NAA16: variants seen among roughly 807,000 people sequenced by gnomAD.
NAA16 encodes N-alpha-acetyltransferase 16, NatA auxiliary subunit, also known as NARG1-like protein.
A neutral mutation model predicts 110.3 loss-of-function variants in NAA16; 97 were observed. The ratio of observed to expected loss-of-function variants is 0.88; its 90% CI spans 0.75 to 1.04. The LOEUF (loss-of-function observed/expected upper bound fraction) is 1.04, where lower values mean the gene tolerates loss of function less well. NAA16 is among the 50% of genes least tolerant of loss of function. The pLI is 0.00. For synonymous variants in NAA16, 372 were observed against 330.6 expected (o/e 1.13, Z -1.36); for missense variants, 1,017 against 1,005.1 (o/e 1.01, Z -0.16).
chr13:41,345,020 A>G lies in NAA16; in HGVS notation c.1014+8264A>G, dbSNP rs1370853008. Among the ~76,000 whole-genome samples the G allele has an allele frequency of 1.3e-5, 2 of 152,138 alleles. 1 individual carries two copies. The highest frequency in any genetic ancestry group is 3.8e-4 in the East Asian group (2 of 5,196). On this transcript the variant is annotated intron_variant, in intron 9 of 19. Transcript: ENST00000379406. ...TTGGGTCTGGCTTCTTTTACTTAAT[A>G]TTTTTATCCGCAATTGTAGCATGAA...
At chr13:41,334,625 T>C (rs756520098) in intron 8 of NAA16, among the ~76,000 whole-genome samples, 9 of 152,140 alleles carry the variant, frequency 5.9e-5, no homozygotes, top group South Asian at 2.1e-4. Flanking sequence ...CACATAATAA[T>C]TGATGGAAAA....
At chr13:41,335,628 G>C (rs1255876625) in intron 8 of NAA16, among the ~76,000 whole-genome samples, 2 of 152,278 alleles carry the variant, frequency 1.3e-5, no homozygotes, top group East Asian at 3.9e-4. Flanking sequence ...GATCTAATAA[G>C]AGATTAGAGA....
chr13:41,340,878 A>G (rs1327751213), intron 9 of NAA16, among the ~76,000 whole-genome samples: 1 of 151,080 alleles, frequency 6.6e-6, no homozygotes, highest in African/African-American at 2.4e-5. Context: ...ATGGGGTTTC[A>G]CCGTGGTCTC....
chr13:41,359,756 G>A (rs890409956), intron 12 of NAA16, among the ~76,000 whole-genome samples: 33 of 151,774 alleles, frequency 2.2e-4, no homozygotes, highest in East Asian at 1.9e-4. Context: ...AGGAGCTTAG[G>A]ATAAACTAAT....
chr13:41,367,368 A>ATT, intron 13 of NAA16, 71 bp from the exon 14 acceptor site: 46 of 1,026,370 alleles, frequency 4.5e-5, no homozygotes, highest in Middle Eastern at 2.2e-4. Flanking sequence ...GCTTTTTACA[A>ATT]TTTTTTTTTT....
rs1480711491 is a variant in NAA16, at chr13:41,376,044, C to A, written c.*442C>A. 3 of 152,924 alleles carry A rather than the reference C, an allele frequency of 2.0e-5. No individual in the cohort carries two copies. The highest frequency in any genetic ancestry group is 7.2e-5 in the African/African-American group (3 of 41,444). 9.5% of individuals were successfully genotyped at this position (152,924 alleles called of 1,614,324 possible). A position where few individuals can be genotyped will look rare whatever the true frequency, so the allele number is the denominator to read the frequency against. Reference sequence around the variant, plus strand: ...GTGGCTCACACCTGTAATCCCAGCACTTTGGGAGGCCCAGACTGGCGGATC... The same window carrying A: ...GTGGCTCACACCTGTAATCCCAGCAATTTGGGAGGCCCAGACTGGCGGATC... On this transcript the variant is annotated 3_prime_UTR_variant, in exon 20 of 20. Transcript: ENST00000379406.
Position 41,311,499 on chromosome 13 carries a change from G to A in NAA16, c.-30G>A. ...GAGCGCCCGGGCACCTAGCCTCCCTGCCGGCCACCTAGCCTCCCTGCCGGC... is the reference window on the plus strand; with the variant it reads ...GAGCGCCCGGGCACCTAGCCTCCCTACCGGCCACCTAGCCTCCCTGCCGGC... On this transcript the variant is annotated 5_prime_UTR_variant, in exon 1 of 20. Transcript: ENST00000379406. The A allele has an allele frequency of 1.3e-6, 2 of 1,578,018 alleles. No homozygotes were observed. Among genetic ancestry groups the A allele is most frequent in the Non-Finnish European group, 1.7e-6 (2 of 1,162,718 alleles).
chr13:41,373,638 G>GT lies in NAA16; in HGVS notation c.2158dup (p.Ser720PhefsTer2). On this transcript the variant is annotated frameshift_variant and splice_region_variant, in exon 18 of 20. Coordinates refer to ENST00000379406, the MANE Select transcript of NAA16 (RefSeq NM_024561.5). LOFTEE classifies it high-confidence loss of function. ...ATCCAAATGTTTTTGTTTTTATAGTGTCTAATCATAGTAATCTTCCAGACA... is the reference window on the plus strand; with the variant it reads ...ATCCAAATGTTTTTGTTTTTATAGTGTTCTAATCATAGTAATCTTCCAGACA... 6.3e-7 allele frequency: 1 copy of GT among 1,589,484 alleles called. No homozygotes were observed. The highest frequency in any genetic ancestry group is 8.5e-7 in the Non-Finnish European group (1 of 1,170,292).
At chr13:41,355,267 A>T in intron 10 of NAA16, 51 bp downstream of exon 10, 1 of 1,115,828 alleles carries the variant, frequency 9.0e-7, no homozygotes, top group East Asian at 2.4e-5. Flanking sequence ...TTCATTTTTA[A>T]TCACAGTAAT....
intron 9 of NAA16, among the ~76,000 whole-genome samples, chr13:41,353,534 G>C (rs2042897453): frequency 6.6e-6 from 1 of 151,536 alleles, no homozygotes. Flanking sequence ...GTAGGTGGAG[G>C]CGGGAGGATT....
rs78681340 is a variant in NAA16, at chr13:41,375,085, C to T, written c.2397+246C>T. On this transcript the variant is annotated intron_variant, in intron 19 of 19. Transcript: ENST00000379406. ...GTGAGAGTTAACTGAAATAATAAAA[C>T]GTGAAGTCCTTAGTGCCTGGCACGT... Among the ~76,000 whole-genome samples the T allele has an allele frequency of 7.9e-3, 1,206 of 152,294 alleles. 14 individuals carry two copies. The highest frequency in any genetic ancestry group is 0.027 in the African/African-American group (1,136 of 41,564).
intron 5 of NAA16, among the ~76,000 whole-genome samples, chr13:41,324,563 A>T (rs1280564526): frequency 6.7e-6 from 1 of 150,278 alleles, no homozygotes; most frequent in Non-Finnish European, 1.5e-5. Flanking sequence ...TTTAGTAGAG[A>T]CGGGGTTTCA....
At chr13:41,348,810 A>G (rs2042751778) in intron 9 of NAA16, among the ~76,000 whole-genome samples, 1 of 152,078 alleles carries the variant, frequency 6.6e-6, no homozygotes, top group South Asian at 2.1e-4. Context: ...GTTTTTTATT[A>G]TGTATTCAAA....
At chr13:41,335,464 A>G (rs2042355150) in intron 8 of NAA16, among the ~76,000 whole-genome samples, 1 of 152,158 alleles carries the variant, frequency 6.6e-6, no homozygotes, top group South Asian at 2.1e-4. Flanking sequence ...AATATTGTTA[A>G]TTTCGTTGTA....
Position 41,325,802 on chromosome 13 carries a change from A to G in NAA16, c.642A>G (p.Glu214=), listed in dbSNP as rs116069877. 842 of 1,609,686 alleles carry G rather than the reference A, an allele frequency of 5.2e-4. 7 individuals are homozygous for G. In the African/African-American group the frequency reaches 1.0e-2, roughly 19 times the overall value. ...TGCAGGAATCTTTGGAACATATAGA[A>G]ATGTATGAGAAACAAATATGTGATA... is the stretch of plus-strand genomic sequence containing the variant. ...DLLQESLEHI[E]MYEKQICDKL... The change falls in exon 6 of 20, where the codon GAA becomes GAG. Residue 214 remains glutamate, a synonymous_variant. Transcript: ENST00000379406.
intron 14 of NAA16, among the ~76,000 whole-genome samples, 159 bp downstream of exon 14, chr13:41,367,811 A>G (rs1805292006): frequency 6.6e-6 from 1 of 152,250 alleles, no homozygotes; most frequent in African/African-American, 2.4e-5. Context: ...TTGCAGAGAG[A>G]GTTAAAAAAA....
rs771579911 is a variant in NAA16 at position 41,362,215 on chromosome 13, A to T, written c.1539+56A>T. 5.9e-6 allele frequency: 9 copies of T among 1,535,420 alleles called. No individual in the cohort carries two copies. The Admixed American group carries it at 2.0e-4, about 34-fold the overall frequency. On this transcript the variant is annotated intron_variant, in intron 13 of 19. Coordinates refer to ENST00000379406, the MANE Select transcript of NAA16 (RefSeq NM_024561.5). ...CACTGTAAGGTGATAAAAAGCAGGTAGATTTCTACACAGGATCATCTGCCT... is the reference window on the plus strand; with the variant it reads ...CACTGTAAGGTGATAAAAAGCAGGTTGATTTCTACACAGGATCATCTGCCT...
At chr13:41,339,864 G>T (rs1293925067) in intron 9 of NAA16, among the ~76,000 whole-genome samples, 1 of 152,066 alleles carries the variant, frequency 6.6e-6, no homozygotes, top group African/African-American at 2.4e-5. Flanking sequence ...CGACTAAGTT[G>T]CATAAGGTTT....
intron 7 of NAA16, 107 bp from the exon 8 acceptor site, chr13:41,331,167 A>T (rs552300154): frequency 1.6e-6 from 1 of 634,576 alleles, no homozygotes; most frequent in East Asian, 2.7e-5. Flanking sequence ...CAGCTTTAAT[A>T]TTGTTAATGC....
Sources: allele counts gnomAD v4.1 joint callset (sites outside exome capture counted in the v4.1 genomes callset), GRCh38; gene constraint gnomAD v4.1.1; transcripts MANE v1.5; gene names NCBI Gene and HGNC (gene_info 2026-07-23, HGNC 2026-07-21).